Variants in RPL6 observed in about 807,000 individuals in gnomAD.
The protein encoded by RPL6 is ribosomal protein L6.
A neutral mutation model predicts 32.1 loss-of-function variants in RPL6; 1 was observed. The ratio of observed to expected loss-of-function variants is 0.03; its 90% CI spans 0.01 to 0.15. RPL6 has a LOEUF of 0.15. Among genes scored for constraint, RPL6 ranks in the 10% least tolerant of loss-of-function variants. The pLI, the probability that RPL6 is intolerant of heterozygous loss-of-function variation, is 1.00. For missense variants in RPL6, 275 were observed against 354.6 expected, an observed-to-expected ratio of 0.78 and a Z score of 1.80; for synonymous variants, 126 against 131.6, an observed-to-expected ratio of 0.96 and a Z score of 0.29.
upstream of RPL6, among the ~76,000 whole-genome samples, chr12:112,414,202 G>C (rs943625527): frequency 1.3e-5 from 2 of 152,234 alleles, no homozygotes; most frequent in Non-Finnish European, 2.9e-5. Context: ...GAAACTGCTA[G>C]ATTATGTGAG....
intron 6 of RPL6, 32 bp from the exon 7 acceptor site, chr12:112,405,408 C>T (rs766656932): frequency 1.9e-6 from 3 of 1,605,478 alleles, no homozygotes; most frequent in East Asian, 2.2e-5. Flanking sequence ...CATTTTAAAA[C>T]AGGCACATAC....
intron 1 of RPL6, 89 bp downstream of exon 1, chr12:112,409,498 T>A (rs1410672188): frequency 2.5e-6 from 1 of 398,446 alleles, no homozygotes; most frequent in Non-Finnish European, 4.4e-6. Context: ...CCGACCCCTG[T>A]AGGTGTCGAC....
At chr12:112,406,161 A>G in intron 5 of RPL6, 124 bp from the exon 6 acceptor site, 1 of 1,201,306 alleles carries the variant, frequency 8.3e-7, no homozygotes, top group Non-Finnish European at 1.2e-6. Flanking sequence ...CTTGCACACA[A>G]GGCAATGAAA....
In RPL6 at chr12:112,408,676, G is replaced by C. The variant is rs1203900331; in HGVS notation, c.1-20C>G. The C allele has an allele frequency of 1.9e-6, 3 of 1,547,856 alleles. No homozygotes were observed. Among genetic ancestry groups the C allele is most frequent in the South Asian group, 2.4e-5 (2 of 82,518 alleles). ...CGCCATCTAAAAATATTTTTTTGTA[G>C]ATAAAAAAAGGCATTTCACCAGTCA... On this transcript the variant is annotated intron_variant, in intron 1 of 6. Transcript: ENST00000202773.
chr12:112,409,679 A>T (rs1234763632), upstream of RPL6: 1 of 394,226 alleles, frequency 2.5e-6, no homozygotes, highest in Admixed American at 4.4e-5. Flanking sequence ...GATCTGGGGC[A>T]TCATGGGGAA....
rs1161653347 is a variant in RPL6, at chr12:112,406,844, T to G, written c.383A>C (p.His128Pro). 6.2e-7 allele frequency: 1 copy of G among 1,614,238 alleles called. No homozygotes were observed. The highest frequency in any genetic ancestry group is 1.7e-5 in the Admixed American group (1 of 60,022). The change falls in exon 4 of 7, where the codon CAC becomes CCC. Residue 128 changes from histidine to proline, a missense_variant. Coordinates refer to ENST00000202773, the MANE Select transcript of RPL6 (RefSeq NM_000970.6). ...GTGCTGACTGAAGGGTTTTTTGCCG[T>G]GGCTCAACAGCTTTCGAGGCACATC... ...TEDVPRKLLS[H>P]GKKPFSQHVR...
intron 1 of RPL6, chr12:112,409,011 G>A (rs1364109811): frequency 1.1e-5 from 3 of 269,202 alleles, no homozygotes; most frequent in South Asian, 1.2e-4. Context: ...CAGGTTAGAA[G>A]CACCAAGACC....
At chr12:112,408,945 C>A in intron 1 of RPL6, 1 of 382,864 alleles carries the variant, frequency 2.6e-6, no homozygotes, top group Non-Finnish European at 4.7e-6. Context: ...TCCGTACAAC[C>A]ATTATTTTTT....
At chr12:112,416,208 T>C (rs557199224) in intron 1 of RPL6, among the ~76,000 whole-genome samples, 1 of 149,766 alleles carries the variant, frequency 6.7e-6, no homozygotes, top group South Asian at 2.2e-4. Context: ...GGTGTGATCT[T>C]GGCTCACTGC....
At chr12:112,408,187 T>G (rs1184372030) in intron 3 of RPL6, 53 bp downstream of exon 3, 14 of 1,308,602 alleles carry the variant, frequency 1.1e-5, no homozygotes, top group African/African-American at 2.9e-5. Flanking sequence ...AAAAACATCT[T>G]CACAGTATTC....
intron 1 of RPL6, 127 bp from the exon 2 acceptor site, chr12:112,408,783 G>A (rs1465788184): frequency 3.2e-5 from 25 of 779,784 alleles, no homozygotes; most frequent in Non-Finnish European, 5.1e-5. Flanking sequence ...GTAAGATACA[G>A]GCCTTCCTCT....
upstream of RPL6, among the ~76,000 whole-genome samples, chr12:112,412,255 G>A (rs922237723): frequency 2.6e-5 from 4 of 152,070 alleles, no homozygotes; most frequent in Non-Finnish European, 5.9e-5. Context: ...TAGCCAGGAT[G>A]GTCTCGATCT....
intron 2 of RPL6, 23 bp downstream of exon 2, chr12:112,408,397 G>A: frequency 6.2e-7 from 1 of 1,613,364 alleles, no homozygotes; most frequent in South Asian, 1.1e-5. Flanking sequence ...AAGACATAAT[G>A]GTCCGTGGTC....
upstream of RPL6, among the ~76,000 whole-genome samples, chr12:112,413,706 G>T (rs2037366370): frequency 1.3e-5 from 2 of 151,780 alleles, no homozygotes; most frequent in Non-Finnish European, 2.9e-5. Flanking sequence ...AAATGAATAT[G>T]CCAGGCACTA....
chr12:112,415,307 G>A (rs374658197), upstream of RPL6, among the ~76,000 whole-genome samples: 9 of 152,192 alleles, frequency 5.9e-5, no homozygotes, highest in African/African-American at 1.9e-4. Flanking sequence ...ATTGGCTCAC[G>A]CCTGTAAATC....
At chr12:112,413,692 A>G (rs1156231687), upstream of RPL6, among the ~76,000 whole-genome samples, 4 of 152,040 alleles carry the variant, frequency 2.6e-5, no homozygotes, top group African/African-American at 9.6e-5. Flanking sequence ...ATGCCCGGCC[A>G]TATAAATGAA....
At chr12:112,409,793 C>T (rs12298533), upstream of RPL6, among the ~76,000 whole-genome samples, 5 of 151,850 alleles carry the variant, frequency 3.3e-5, 1 homozygote, top group Admixed American at 2.6e-4. Context: ...GGAGGATCCT[C>T]TGAGGTTGGC....
intron 3 of RPL6, 139 bp from the exon 4 acceptor site, chr12:112,407,029 T>A: frequency 1.2e-6 from 1 of 856,050 alleles, no homozygotes; most frequent in South Asian, 2.1e-5. Context: ...TTTTCATTTC[T>A]GCTAAGTAGA....
upstream of RPL6, chr12:112,410,485 T>C (rs2037323349): frequency 6.8e-6 from 1 of 146,314 alleles, no homozygotes. Flanking sequence ...CATTAAATAA[T>C]ATATACAACA....
Sources: allele counts gnomAD v4.1 joint callset (sites outside exome capture counted in the v4.1 genomes callset), GRCh38; gene constraint gnomAD v4.1.1; transcripts MANE v1.5; gene names NCBI Gene and HGNC (gene_info 2026-07-23, HGNC 2026-07-21).